SLIT3: variants seen among roughly 807,000 people sequenced by gnomAD.
The protein encoded by SLIT3 is slit homolog 3 protein.
Under a neutral mutation model 184.0 loss-of-function variants are expected in SLIT3, and 68 were observed. The observed-to-expected ratio is 0.37, with a 90% confidence interval of 0.30 to 0.45. The LOEUF is 0.45. Ranked by LOEUF, SLIT3 falls within the 20% of genes least tolerant of loss-of-function variation. The pLI, the probability that SLIT3 is intolerant of heterozygous loss-of-function variation, is 1.00. For missense variants in SLIT3, 1,707 were observed against 2,026.0 expected (o/e 0.84, Z 3.02); for synonymous variants, 831 against 828.6 (o/e 1.00, Z -0.05).
At chr5:168,938,412 A>G (rs1762226710) in intron 4 of SLIT3, among the ~76,000 whole-genome samples, 1 of 152,188 alleles carries the variant, frequency 6.6e-6, no homozygotes, top group African/African-American at 2.4e-5. Flanking sequence ...ATATATAGAA[A>G]GTGCCTAGCA....
intron 4 of SLIT3, among the ~76,000 whole-genome samples, chr5:168,995,945 T>C (rs140319301): frequency 6.0e-4 from 91 of 152,322 alleles, no homozygotes; most frequent in Non-Finnish European, 1.0e-3. Context: ...TGGTATTCTT[T>C]CTGGTTCCTC....
intron 5 of SLIT3, among the ~76,000 whole-genome samples, chr5:168,870,530 A>G (rs1759475737): frequency 6.6e-6 from 1 of 152,130 alleles, no homozygotes; most frequent in Non-Finnish European, 1.5e-5. Context: ...GAGACCTGGC[A>G]TTATCCTGAT....
At chr5:168,800,556 T>C (rs574801440) in intron 9 of SLIT3, among the ~76,000 whole-genome samples, 3 of 152,266 alleles carry the variant, frequency 2.0e-5, no homozygotes, top group Admixed American at 1.3e-4. Context: ...CATTGCACTC[T>C]AGCCTGGGCA....
intron 32 of SLIT3, among the ~76,000 whole-genome samples, chr5:168,676,163 TTCCA>T (rs113432099): frequency 0.014 from 2,034 of 150,294 alleles, 44 homozygotes; most frequent in African/African-American, 0.046. Context: ...ATCTACTCTC[TTCCA>T]TCCATCCATC....
At chr5:168,873,191 C>T (rs1330141804) in intron 5 of SLIT3, among the ~76,000 whole-genome samples, 2 of 152,150 alleles carry the variant, frequency 1.3e-5, no homozygotes, top group African/African-American at 4.8e-5. Flanking sequence ...ATCTTGGGAT[C>T]CCGCTGTAGC....
chr5:169,287,304 G>A, intron 1 of SLIT3, among the ~76,000 whole-genome samples: 1 of 152,250 alleles, frequency 6.6e-6, no homozygotes, highest in South Asian at 2.1e-4. Flanking sequence ...GGTGCTGAGA[G>A]CCCTCAGGAT....
rs867928943 is a variant in SLIT3 at position 168,712,323 on chromosome 5, G to A, written c.2515C>T (p.Pro839Ser). The stretch of plus-strand genomic sequence containing the variant: ...GTGAGGTCGTTGAAGGAGCCTTCAG[G>A]AACGCTGGAAATGTCATTGCCATGG... ...TLHGNDISSV[P>S]EGSFNDLTSL... The change falls in exon 24 of 36, where the codon CCT becomes TCT. Residue 839 changes from proline (P) to serine (S), a missense_variant. Physicochemically the swap from Pro to Ser is moderately conservative, Grantham distance 74. Coordinates refer to ENST00000519560, the MANE Select transcript of SLIT3 (RefSeq NM_003062.4). The A allele has an allele frequency of 6.2e-7, 1 of 1,614,206 alleles. No homozygotes were observed. The highest frequency in any genetic ancestry group is 1.1e-5 in the South Asian group (1 of 91,084).
At chr5:169,113,585 A>T (rs1384183347) in intron 4 of SLIT3, among the ~76,000 whole-genome samples, 1 of 151,888 alleles carries the variant, frequency 6.6e-6, no homozygotes, top group Non-Finnish European at 1.5e-5. Flanking sequence ...TGAGGGTTCC[A>T]TCTGGGTTCC....
At chr5:169,110,808 C>G (rs1242211396) in intron 4 of SLIT3, among the ~76,000 whole-genome samples, 1 of 152,218 alleles carries the variant, frequency 6.6e-6, no homozygotes, top group Admixed American at 6.5e-5. Flanking sequence ...ACCCCACCCT[C>G]AAACCCTTAT....
At chr5:168,692,568 TC>T (rs1315461003) in intron 29 of SLIT3, 38 bp downstream of exon 29, 1 of 1,444,386 alleles carries the variant, frequency 6.9e-7, no homozygotes, top group Admixed American at 1.7e-5. Context: ...GGCAGAGTTT[TC>T]ATGGACTCTG....
At chr5:168,801,439 T>G (rs1163004153) in intron 9 of SLIT3, among the ~76,000 whole-genome samples, 3 of 152,184 alleles carry the variant, frequency 2.0e-5, no homozygotes, top group Admixed American at 6.5e-5. Flanking sequence ...GGGTGAAAAC[T>G]GGGGCTATTT....
intron 5 of SLIT3, among the ~76,000 whole-genome samples, chr5:168,881,543 C>G (rs1402068980): frequency 6.6e-6 from 1 of 152,178 alleles, no homozygotes; most frequent in Non-Finnish European, 1.5e-5. Flanking sequence ...GGGGTTCAAC[C>G]ACCAGAAAGC....
At chr5:169,193,783 C>T (rs1763649571) in intron 3 of SLIT3, among the ~76,000 whole-genome samples, 1 of 152,200 alleles carries the variant, frequency 6.6e-6, no homozygotes, top group Non-Finnish European at 1.5e-5. Flanking sequence ...AGCACATGCG[C>T]TGTGCTGCCA....
intron 4 of SLIT3, among the ~76,000 whole-genome samples, chr5:168,977,395 T>C (rs62377258): frequency 0.039 from 5,962 of 152,250 alleles, 154 homozygotes; most frequent in Non-Finnish European, 0.057. Context: ...TAACCTACCA[T>C]TGTCTTCATC....
intron 4 of SLIT3, among the ~76,000 whole-genome samples, chr5:168,914,674 G>A (rs186578632): frequency 3.2e-4 from 48 of 152,188 alleles, no homozygotes; most frequent in Admixed American, 2.0e-3. Flanking sequence ...TTTCCGTAGC[G>A]TACTTCTCTT....
At chr5:169,073,030 T>C (rs1038142389) in intron 4 of SLIT3, among the ~76,000 whole-genome samples, 4 of 152,184 alleles carry the variant, frequency 2.6e-5, no homozygotes, top group Non-Finnish European at 5.9e-5. Flanking sequence ...ATTTAATATT[T>C]ATTGGTAAGT....
chr5:168,962,335 C>CACACAT (rs1157278750), intron 4 of SLIT3, among the ~76,000 whole-genome samples: 1 of 151,346 alleles, frequency 6.6e-6, no homozygotes, highest in Admixed American at 6.6e-5. Context: ...CACACACACA[C>CACACAT]ATACACACAC....
chr5:168,975,867 C>T (rs773822790), intron 4 of SLIT3, among the ~76,000 whole-genome samples: 58 of 152,214 alleles, frequency 3.8e-4, no homozygotes, highest in African/African-American at 9.1e-4. Flanking sequence ...TACGGGTGGG[C>T]GTCCTGATCT....
intron 12 of SLIT3, among the ~76,000 whole-genome samples, chr5:168,776,508 C>T (rs1211677460): frequency 6.6e-6 from 1 of 152,168 alleles, no homozygotes; most frequent in African/African-American, 2.4e-5. Context: ...GAAACTGAGG[C>T]TGAGAGTTTG....
Sources: gnomAD v4.1 joint callset for allele counts (sites outside exome capture counted in the v4.1 genomes callset) on GRCh38, gnomAD v4.1.1 for gene constraint, MANE v1.5 for transcripts, NCBI Gene and HGNC (gene_info 2026-07-23, HGNC 2026-07-21) for gene names.